NBR1: variants seen among roughly 807,000 people sequenced by gnomAD.
The protein encoded by NBR1 is next to BRCA1 gene 1 protein.
In NBR1, 59 loss-of-function variants were observed where a neutral mutation model predicts 115.5. The observed-to-expected ratio is 0.51, with a 90% confidence interval of 0.41 to 0.63. NBR1 has a LOEUF of 0.63. NBR1 is among the 30% of genes least tolerant of loss of function. NBR1 has a pLI of 0.00. For synonymous variants in NBR1, 373 were observed against 414.7 expected (o/e 0.90, Z 1.22); for missense variants, 1,043 against 1,150.5 (o/e 0.91, Z 1.35).
At position 43,197,080 on chromosome 17, in the gene NBR1, C is replaced by T. The variant is rs375797317; in HGVS notation, c.2000C>T (p.Pro667Leu). The change falls in exon 16 of 21, where the codon CCT (proline) becomes CTT (leucine). Residue 667 changes from proline to leucine, a missense_variant. By Grantham distance (98) the Pro-to-Leu change is moderately conservative (BLOSUM62 -3). Coordinates refer to ENST00000590996, the MANE Select transcript of NBR1 (RefSeq NM_005899.5). ...TTGGATGCTGCCCCAGACCACAACC[C>T]TCCTTGCAGACAGAAGTCCTTGCAG... is the stretch of plus-strand genomic sequence containing the variant. ...LTLDAAPDHN[P>L]PCRQKSLQMT... 424 of 1,613,842 alleles carry T rather than the reference C, an allele frequency of 2.6e-4. No individual in the cohort carries two copies. Among genetic ancestry groups the T allele is most frequent in the Non-Finnish European group, 3.4e-4 (399 of 1,179,878 alleles).
At chr17:43,202,289 A>G (rs1416846760) in intron 18 of NBR1, among the ~76,000 whole-genome samples, 1 of 152,142 alleles carries the variant, frequency 6.6e-6, no homozygotes, top group Non-Finnish European at 1.5e-5. Context: ...GGTAGTGGAA[A>G]GAACACAGGC....
In NBR1 at chr17:43,173,615, C is replaced by T. The variant is rs1230456071; in HGVS notation, c.-9-2176C>T. On this transcript the variant is annotated intron_variant, in intron 1 of 20. Coordinates refer to ENST00000590996, the MANE Select transcript of NBR1 (RefSeq NM_005899.5). ...TATCATATTTTTTATATTTGAATGA[C>T]ATTTTGAAAGAACTTGCGTACACAT... 3.3e-5 allele frequency among the ~76,000 whole-genome samples: 5 copies of T among 152,228 alleles called. No homozygotes were observed. The East Asian group carries it at 9.6e-4, about 29-fold the overall frequency.
At position 43,209,138 on chromosome 17, in the gene NBR1, G is replaced by A. The variant is rs530408846; in HGVS notation, c.2728-763G>A. Reference sequence around the variant, plus strand: ...GTCACCCAGGCTGGAGTGCAATGGCGCGATCTCGGCTCACTGCAAGCTCCA... The same window carrying A: ...GTCACCCAGGCTGGAGTGCAATGGCACGATCTCGGCTCACTGCAAGCTCCA... On this transcript the variant is annotated intron_variant, in intron 20 of 20. Transcript: ENST00000590996. Among the ~76,000 whole-genome samples, 8 of 151,178 alleles carry A rather than the reference G, an allele frequency of 5.3e-5. No individual in the cohort carries two copies. In the East Asian group the frequency reaches 1.6e-3, roughly 29 times the overall value.
At chr17:43,206,558 G>A (rs1431987744) in intron 20 of NBR1, among the ~76,000 whole-genome samples, 2 of 151,998 alleles carry the variant, frequency 1.3e-5, no homozygotes, top group Non-Finnish European at 2.9e-5. Context: ...GGGAGTCTGA[G>A]GCAGAAGAAT....
intron 5 of NBR1, among the ~76,000 whole-genome samples, chr17:43,181,909 G>A (rs1286992015): frequency 6.7e-6 from 1 of 149,158 alleles, no homozygotes; most frequent in Admixed American, 6.6e-5. Flanking sequence ...ATTTGAACCT[G>A]GGAGGCAGAG....
chr17:43,186,502 A>G, intron 6 of NBR1, 58 bp downstream of exon 6: 8 of 1,321,610 alleles, frequency 6.1e-6, no homozygotes, highest in Non-Finnish European at 8.0e-6. Flanking sequence ...TTTTAAATAA[A>G]GCTGAACAGG....
chr17:43,194,561 G>T, intron 13 of NBR1, 62 bp downstream of exon 13: 1 of 1,582,332 alleles, frequency 6.3e-7, no homozygotes. Context: ...AGAGAAGGTG[G>T]TAGAGCCATA....
At position 43,193,362 on chromosome 17, in the gene NBR1, G is replaced by A; in HGVS notation, c.1248G>A (p.Trp416Ter). ...WSADTKLKFM[W>*]GNLTLASTEK... Reference sequence around the variant, plus strand: ...GTTCTTTTCAGCTCAAGTTCATGTGGGGAAACCTGACTTTGGCTTCCACAG... The same window carrying A: ...GTTCTTTTCAGCTCAAGTTCATGTGAGGAAACCTGACTTTGGCTTCCACAG... Residue 416 changes from tryptophan to a stop codon, truncating the protein, a stop_gained, in exon 12 of 21, where the codon TGG becomes TGA. Coordinates refer to ENST00000590996, the MANE Select transcript of NBR1 (RefSeq NM_005899.5). LOFTEE classifies it high-confidence loss of function. 1 of 1,613,814 alleles carries A rather than the reference G, an allele frequency of 6.2e-7. No homozygotes were observed.
chr17:43,196,940 A>C lies in NBR1; in HGVS notation c.1862-2A>C, dbSNP rs954410273. The C allele has an allele frequency of 1.2e-6, 2 of 1,613,818 alleles. No homozygotes were observed. The highest frequency in any genetic ancestry group is 1.7e-6 in the Non-Finnish European group (2 of 1,179,858). ...TGCAGATAAGGTTCGTGTGTCTTTC[A>C]GATTCTATGGTGTCAGTAAAGAGGA... On this transcript the variant is annotated splice_acceptor_variant, in intron 15 of 20. Coordinates refer to ENST00000590996, the MANE Select transcript of NBR1 (RefSeq NM_005899.5). LOFTEE classifies it high-confidence loss of function.
chr17:43,174,390 G>T (rs1363861741), intron 1 of NBR1, among the ~76,000 whole-genome samples: 1 of 152,118 alleles, frequency 6.6e-6, no homozygotes, highest in Non-Finnish European at 1.5e-5. Context: ...GAGGTCAGGA[G>T]ATCGAGACCA....
chr17:43,193,893 G>A (rs2057008393), intron 12 of NBR1, among the ~76,000 whole-genome samples: 1 of 152,152 alleles, frequency 6.6e-6, no homozygotes, highest in Admixed American at 6.5e-5. Flanking sequence ...CAGCCTGTTG[G>A]CTGCACAAGG....
chr17:43,201,813 T>C (rs2057205616), intron 18 of NBR1, 33 bp downstream of exon 18: 2 of 1,205,742 alleles, frequency 1.7e-6, no homozygotes, highest in African/African-American at 1.5e-5. Context: ...TCTCTTTTTC[T>C]CTGCTCCTGT....
In NBR1 at chr17:43,190,638, A is replaced by G. The variant is rs1224225108; in HGVS notation, c.725A>G (p.Asp242Gly). ...SLCPSYNICEDCEAGPYGHDT... is the reference protein window; with the variant it reads ...SLCPSYNICEGCEAGPYGHDT... ...TGCCCATCCTACAATATCTGTGAAGATTGTGAAGCAGGGCCATATGGCCAT... is the reference window on the plus strand; with the variant it reads ...TGCCCATCCTACAATATCTGTGAAGGTTGTGAAGCAGGGCCATATGGCCAT... The change falls in exon 9 of 21, where the codon GAT becomes GGT. Residue 242 changes from aspartate (D) to glycine (G), a missense_variant. By Grantham distance (94) the Asp-to-Gly change is moderately conservative. Coordinates refer to ENST00000590996, the MANE Select transcript of NBR1 (RefSeq NM_005899.5). 1 of 1,601,696 alleles carries G rather than the reference A, an allele frequency of 6.2e-7. No individual in the cohort carries two copies. Among genetic ancestry groups the G allele is most frequent in the Non-Finnish European group, 8.5e-7 (1 of 1,174,076 alleles).
intron 3 of NBR1, among the ~76,000 whole-genome samples, chr17:43,178,391 T>C (rs1474637864): frequency 1.3e-5 from 2 of 150,836 alleles, no homozygotes; most frequent in African/African-American, 2.4e-5. Flanking sequence ...TTTTTTTTTT[T>C]TGTGAGATGA....
Position 43,174,571 on chromosome 17 carries a change from C to T in NBR1, c.-9-1220C>T, listed in dbSNP as rs188337926. Among the ~76,000 whole-genome samples the T allele has an allele frequency of 3.9e-3, 596 of 152,072 alleles. 4 individuals carry two copies. Among genetic ancestry groups the T allele is most frequent in the Non-Finnish European group, 6.9e-3 (468 of 68,002 alleles). On this transcript the variant is annotated intron_variant, in intron 1 of 20. Coordinates refer to ENST00000590996, the MANE Select transcript of NBR1 (RefSeq NM_005899.5). ...CAAGATTGTGCCACTGCACTTGAGC[C>T]TGGACGACAGAACAAGACTCTATCT...
intron 20 of NBR1, among the ~76,000 whole-genome samples, chr17:43,204,516 T>C (rs1598015710): frequency 6.7e-6 from 1 of 149,792 alleles, no homozygotes; most frequent in East Asian, 2.0e-4. Flanking sequence ...ACAAAAAAAT[T>C]TAAAAATTAG....
Position 43,195,000 on chromosome 17 carries a change from G to A in NBR1, c.1711G>A (p.Val571Ile). 1 of 1,613,764 alleles carries A rather than the reference G, an allele frequency of 6.2e-7. No individual in the cohort carries two copies. The highest frequency in any genetic ancestry group is 1.1e-5 in the South Asian group (1 of 91,040). ...CTTTGAGCTGTTGGATATAAACATTGTTCAAGAGTTGGAGAGAGTGCCCCA... is the reference window on the plus strand; with the variant it reads ...CTTTGAGCTGTTGGATATAAACATTATTCAAGAGTTGGAGAGAGTGCCCCA... ...LSFELLDINIVQELERVPHNT... is the reference protein window; with the variant it reads ...LSFELLDINIIQELERVPHNT... Residue 571 changes from valine to isoleucine, a missense_variant, in exon 14 of 21, where the codon GTT becomes ATT. By Grantham distance (29) the Val-to-Ile change is conservative (BLOSUM62 3). Transcript: ENST00000590996.
intron 6 of NBR1, among the ~76,000 whole-genome samples, chr17:43,187,192 T>G (rs2154582121): frequency 6.6e-6 from 1 of 152,284 alleles, no homozygotes; most frequent in South Asian, 2.1e-4. Flanking sequence ...TATTTCTTTT[T>G]TTTTGAAACG....
intron 6 of NBR1, among the ~76,000 whole-genome samples, chr17:43,187,337 C>T (rs946356610): frequency 5.9e-5 from 9 of 151,926 alleles, no homozygotes; most frequent in East Asian, 3.9e-4. Context: ...CCTGCCACTA[C>T]GCCCAGCTAA....
Sources: allele counts gnomAD v4.1 joint callset (sites outside exome capture counted in the v4.1 genomes callset), GRCh38; gene constraint gnomAD v4.1.1; transcripts MANE v1.5; gene names NCBI Gene and HGNC (gene_info 2026-07-23, HGNC 2026-07-21).